The following ZNF726 variants were observed in gnomAD, a reference collection of about 807,000 sequenced individuals.
ZNF726 encodes zinc finger protein 726.
A neutral mutation model predicts 11.6 loss-of-function variants in ZNF726; 15 were observed. The ratio of observed to expected loss-of-function variants is 1.29; its 90% CI spans 0.86 to 1.99. The LOEUF is 1.99. Among genes scored for constraint, ZNF726 ranks in the 30% most tolerant of loss-of-function variants. The probability of loss-of-function intolerance (pLI) is 0.00; values close to 1 mark genes in which losing one functional copy is unlikely to be tolerated. For synonymous variants in ZNF726, 295 were observed against 243.6 expected, an observed-to-expected ratio of 1.21 and a Z score of -1.96; for missense variants, 890 against 725.6, an observed-to-expected ratio of 1.23 and a Z score of -2.60.
chr19:23,928,304 C>T (rs1424079458), intron 3 of ZNF726: 2 of 152,124 alleles, frequency 1.3e-5, no homozygotes, highest in Non-Finnish European at 2.9e-5. Context: ...CACCTATATG[C>T]AAAATAATTG....
At chr19:23,926,112 CTT>C (rs772198882) in intron 3 of ZNF726, among the ~76,000 whole-genome samples, 1 of 152,240 alleles carries the variant, frequency 6.6e-6, no homozygotes, top group Non-Finnish European at 1.5e-5. Flanking sequence ...CATTATCCAT[CTT>C]TTAAATATTT....
intron 3 of ZNF726, among the ~76,000 whole-genome samples, chr19:23,939,842 T>C (rs900765214): frequency 4.0e-5 from 6 of 150,816 alleles, no homozygotes; most frequent in Non-Finnish European, 8.9e-5. Context: ...ATTCATGTCT[T>C]TGGCCCACTT....
In ZNF726 at chr19:23,939,498, A is replaced by G. The variant is rs531716287; in HGVS notation, c.227-3996A>G. On this transcript the variant is annotated intron_variant, in intron 3 of 4. Transcript: ENST00000334589. ...TCTGGGTTCTCTGTTCCATTGGTCT[A>G]TATTTCAAATAATGACTTCTTTTCC... Among the ~76,000 whole-genome samples, 18 of 152,236 alleles carry G rather than the reference A, an allele frequency of 1.2e-4. No individual in the cohort carries two copies. In the East Asian group the frequency reaches 2.7e-3, roughly 23 times the overall value.
chr19:23,940,414 T>C (rs1458103877), intron 3 of ZNF726, among the ~76,000 whole-genome samples: 8 of 152,190 alleles, frequency 5.3e-5, no homozygotes, highest in Non-Finnish European at 1.2e-4. Flanking sequence ...TAGAGCCTTA[T>C]AGTTTGAAAT....
intron 1 of ZNF726, among the ~76,000 whole-genome samples, chr19:23,918,353 G>A (rs879702973): frequency 3.3e-5 from 5 of 152,134 alleles, no homozygotes; most frequent in Non-Finnish European, 5.9e-5. Flanking sequence ...AAACAGGATG[G>A]CATTTATTAC....
rs545834372 is a variant in ZNF726, at chr19:23,915,662, C to T, written c.3+665C>T. On this transcript the variant is annotated intron_variant, in intron 1 of 3. Coordinates refer to ENST00000594466, the MANE Select transcript of ZNF726 (RefSeq NM_001244038.2). ...GTTTCGTGATCTCGGCTCACTGCAA[C>T]CTCCACCTCCCGGGTTCAAGCGATT... Among the ~76,000 whole-genome samples the T allele has an allele frequency of 2.6e-5, 4 of 152,088 alleles. No homozygotes were observed. The South Asian group carries it at 6.2e-4, about 24-fold the overall frequency.
chr19:23,927,741 C>G (rs1455465315), intron 3 of ZNF726: 1 of 152,222 alleles, frequency 6.6e-6, no homozygotes, highest in Non-Finnish European at 1.5e-5. Context: ...CTTGGTCTCT[C>G]TAAGTGTTGG....
intron 3 of ZNF726, among the ~76,000 whole-genome samples, chr19:23,932,033 G>T (rs1968117065): frequency 6.6e-6 from 1 of 152,192 alleles, no homozygotes; most frequent in Non-Finnish European, 1.5e-5. Context: ...AAGGCACTAT[G>T]TTATAGTGGG....
rs1178766090 is a variant in ZNF726, at chr19:23,934,273, TAA to T, written c.*307_*308del. The T allele has an allele frequency of 6.1e-6, 4 of 652,136 alleles. No homozygotes were observed. The highest frequency in any genetic ancestry group is 8.8e-6 in the Non-Finnish European group (3 of 340,394). 40.4% of individuals were successfully genotyped at this position (652,136 alleles called of 1,614,324 possible). ...TATGGTCCACACCCCTAAGTAGACA[TAA>T]GAGGATGCACACTGGAGAGAAACCT... On this transcript the variant is annotated 3_prime_UTR_variant, in exon 4 of 4. Coordinates refer to ENST00000594466, the MANE Select transcript of ZNF726 (RefSeq NM_001244038.2).
chr19:23,916,147 C>G lies in ZNF726; in HGVS notation c.3+1150C>G, dbSNP rs556918300. On this transcript the variant is annotated intron_variant, in intron 1 of 3. Coordinates refer to ENST00000594466, the MANE Select transcript of ZNF726 (RefSeq NM_001244038.2). ...TTCCCTGAATTTTTCACAAGTGTCC[C>G]AAGCAGGGCCTCAAGTCTGCCCCTC... Among the ~76,000 whole-genome samples the G allele has an allele frequency of 2.0e-3, 300 of 152,232 alleles. 2 individuals carry two copies. The highest frequency in any genetic ancestry group is 6.8e-3 in the African/African-American group (283 of 41,538).
chr19:23,932,836 A>G lies in ZNF726; in HGVS notation c.720A>G (p.Gln240=), dbSNP rs530445424. The change falls in exon 4 of 4, where the codon CAA becomes CAG. Residue 240 remains glutamine (Q), a synonymous_variant. Transcript: ENST00000594466. ...AAGAATATGGCAAAGCTTTTAATCA[A>G]TCCTCAAATTATACTACACATAAGG... The part of the protein sequence containing the change: ...KCEEYGKAFN[Q]SSNYTTHKVT... 9.6e-5 allele frequency: 155 copies of G among 1,606,548 alleles called. No individual in the cohort carries two copies. The African/African-American group carries it at 1.7e-3, about 18-fold the overall frequency.
At position 23,919,380 on chromosome 19, in the gene ZNF726, T is replaced by A. The variant is rs1967783758; in HGVS notation, c.11T>A (p.Leu4Ter). The change falls in exon 2 of 4, where the codon TTG becomes TAG. Residue 4 changes from leucine (L) to a stop codon, truncating the protein, a stop_gained. Coordinates refer to ENST00000594466, the MANE Select transcript of ZNF726 (RefSeq NM_001244038.2). LOFTEE classifies it high-confidence loss of function. MGL[L>*]TFRDVAIEFS... ...TTTGTGTGTATTTTCCAGGGACTGT[T>A]GACATTTAGGGATGTGGCCATAGAA... The A allele has an allele frequency of 6.2e-7, 1 of 1,605,906 alleles. No homozygotes were observed. The highest frequency in any genetic ancestry group is 8.5e-7 in the Non-Finnish European group (1 of 1,175,140).
intron 3 of ZNF726, chr19:23,923,350 T>C: frequency 2.6e-6 from 1 of 388,110 alleles, no homozygotes; most frequent in Non-Finnish European, 4.9e-6. Context: ...TAGCATCTCC[T>C]ATTTATGATT....
rs757278236 is a variant in ZNF726, at chr19:23,915,011, G to T, written c.3+14G>T. Reference sequence around the variant, plus strand: ...AGCCTAGAAATGGTGAGAGTGCCGGGTGCGACATCCCAAGAGAGGGAACGG... The same window carrying T: ...AGCCTAGAAATGGTGAGAGTGCCGGTTGCGACATCCCAAGAGAGGGAACGG... On this transcript the variant is annotated intron_variant, in intron 1 of 3. Transcript: ENST00000594466. The T allele has an allele frequency of 1.2e-6, 2 of 1,613,812 alleles. No individual in the cohort carries two copies. The highest frequency in any genetic ancestry group is 2.2e-5 in the South Asian group (2 of 91,084).
At chr19:23,931,507 G>C (rs1383237916) in intron 3 of ZNF726, among the ~76,000 whole-genome samples, 1 of 151,528 alleles carries the variant, frequency 6.6e-6, no homozygotes, top group South Asian at 2.1e-4. Context: ...TTTTTTTATG[G>C]TTTCTTTCAG....
intron 2 of ZNF726, 61 bp downstream of exon 2, chr19:23,919,560 A>G (rs1967791642): frequency 1.3e-6 from 2 of 1,501,826 alleles, no homozygotes; most frequent in South Asian, 1.3e-5. Flanking sequence ...TTTCTTTTGT[A>G]GTATGTTTTC....
chr19:23,920,840 C>T (rs1967829915), intron 3 of ZNF726: 1 of 150,580 alleles, frequency 6.6e-6, no homozygotes, highest in Non-Finnish European at 1.5e-5. Context: ...TTAATATGGC[C>T]GTTTTTACTT....
chr19:23,934,766 A>AGT (rs1398827310), downstream of ZNF726, among the ~76,000 whole-genome samples: 3 of 152,206 alleles, frequency 2.0e-5, no homozygotes, highest in Non-Finnish European at 4.4e-5. Context: ...AATGTGGGGA[A>AGT]AAGGCTCCCT....
chr19:23,931,931 A>T (rs1387135679), intron 3 of ZNF726, among the ~76,000 whole-genome samples: 1 of 152,200 alleles, frequency 6.6e-6, no homozygotes, highest in African/African-American at 2.4e-5. Flanking sequence ...CAGTGTCCAA[A>T]AAAAGCCCCT....
Sources: allele counts gnomAD v4.1 joint callset (sites outside exome capture counted in the v4.1 genomes callset), GRCh38; gene constraint gnomAD v4.1.1; transcripts MANE v1.5; gene names NCBI Gene and HGNC (gene_info 2026-07-23, HGNC 2026-07-21).